Variants in CNTNAP5 observed in about 807,000 individuals in gnomAD.
The protein encoded by CNTNAP5 is contactin associated protein family member 5.
In CNTNAP5, 72 loss-of-function variants were observed where a neutral mutation model predicts 150.2. That is an observed-to-expected ratio of 0.48 (90% confidence interval 0.40 to 0.58). CNTNAP5 has a LOEUF of 0.58. Ranked by LOEUF, CNTNAP5 falls within the 20% of genes least tolerant of loss-of-function variation. The pLI is 0.00. For synonymous variants in CNTNAP5, 672 were observed against 619.8 expected, an observed-to-expected ratio of 1.08 and a Z score of -1.25; for missense variants, 1,636 against 1,626.2, an observed-to-expected ratio of 1.01 and a Z score of -0.10.
intron 1 of CNTNAP5, among the ~76,000 whole-genome samples, chr2:124,176,231 A>C (rs1033954173): frequency 6.6e-6 from 1 of 152,258 alleles, no homozygotes; most frequent in Non-Finnish European, 1.5e-5. Flanking sequence ...GCAAATGACC[A>C]TTAAGTAAGA....
intron 19 of CNTNAP5, among the ~76,000 whole-genome samples, chr2:124,846,991 G>A (rs887881271): frequency 6.6e-6 from 1 of 152,208 alleles, no homozygotes; most frequent in African/African-American, 2.4e-5. Flanking sequence ...GAATGAAGTG[G>A]ACTCTGTGAG....
chr2:124,619,446 C>T (rs930348468), intron 12 of CNTNAP5, among the ~76,000 whole-genome samples: 4 of 152,088 alleles, frequency 2.6e-5, no homozygotes, highest in African/African-American at 4.8e-5. Flanking sequence ...ACAGAAGAAT[C>T]GGCTTCTGAG....
At chr2:124,905,187 A>G (rs1678510345) in intron 22 of CNTNAP5, among the ~76,000 whole-genome samples, 1 of 150,464 alleles carries the variant, frequency 6.6e-6, no homozygotes, top group Admixed American at 6.6e-5. Context: ...AAGGTGCTTA[A>G]CATCACTGAT....
At chr2:124,330,643 C>T (rs956419583) in intron 3 of CNTNAP5, among the ~76,000 whole-genome samples, 1 of 152,112 alleles carries the variant, frequency 6.6e-6, no homozygotes. Flanking sequence ...CCTGAGGCCT[C>T]CTGAGTAATG....
chr2:124,034,452 A>C (rs1238099793), intron 1 of CNTNAP5, among the ~76,000 whole-genome samples: 1 of 152,178 alleles, frequency 6.6e-6, no homozygotes, highest in African/African-American at 2.4e-5. Flanking sequence ...TTCTCATTTT[A>C]TCTCCCATGT....
At chr2:124,621,478 C>T (rs533816125) in intron 12 of CNTNAP5, among the ~76,000 whole-genome samples, 1 of 152,302 alleles carries the variant, frequency 6.6e-6, no homozygotes, top group East Asian at 1.9e-4. Flanking sequence ...CTGTTTCTCA[C>T]TCCTTTGGCA....
At chr2:124,515,100 C>T (rs1694678971) in intron 8 of CNTNAP5, among the ~76,000 whole-genome samples, 1 of 152,198 alleles carries the variant, frequency 6.6e-6, no homozygotes, top group South Asian at 2.1e-4. Context: ...TTTCAGGATC[C>T]AGGTTACCTT....
chr2:124,454,353 C>G (rs114177568), intron 6 of CNTNAP5, among the ~76,000 whole-genome samples: 3,880 of 152,250 alleles, frequency 0.025, 74 homozygotes, highest in Non-Finnish European at 0.037. Context: ...GAAATTATCA[C>G]AGTCATAAAT....
At chr2:124,531,981 G>C (rs1695121049) in intron 10 of CNTNAP5, among the ~76,000 whole-genome samples, 2 of 152,164 alleles carry the variant, frequency 1.3e-5, no homozygotes, top group Non-Finnish European at 2.9e-5. Context: ...GGAGTGAACT[G>C]ATATAAAGTT....
chr2:124,373,454 A>C (rs12373652), intron 3 of CNTNAP5, among the ~76,000 whole-genome samples: 34,897 of 152,062 alleles, frequency 0.23, 4,220 homozygotes, highest in Middle Eastern at 0.27. Context: ...CAGCAATGAC[A>C]AAGACAAATG....
At position 124,790,011 on chromosome 2, in the gene CNTNAP5, G is replaced by A. The variant is rs1308693597; in HGVS notation, c.2862G>A (p.Arg954=). ...GGGCAAAGGTCACATCTGGAGTCAG[G>A]CCAGGCTGCCCCGGCCACTGCAGCA... is the stretch of plus-strand genomic sequence containing the variant. ...EERAKVTSGV[R]PGCPGHCSSY... is the part of the protein sequence containing the mutation. The change falls in exon 18 of 24, where the codon AGG becomes AGA. Residue 954 remains arginine (R), a synonymous_variant. Coordinates refer to ENST00000682447, the MANE Select transcript of CNTNAP5 (RefSeq NM_001367498.1). 3.1e-6 allele frequency: 5 copies of A among 1,613,930 alleles called. No homozygotes were observed. Among genetic ancestry groups the A allele is most frequent in the Non-Finnish European group, 2.5e-6 (3 of 1,179,850 alleles).
intron 13 of CNTNAP5, among the ~76,000 whole-genome samples, chr2:124,714,349 A>C (rs1217886945): frequency 6.6e-6 from 1 of 152,168 alleles, no homozygotes; most frequent in Non-Finnish European, 1.5e-5. Flanking sequence ...TAGTTCAGAA[A>C]ATGTTATAAT....
At chr2:124,696,996 A>G (rs1263582941) in intron 13 of CNTNAP5, among the ~76,000 whole-genome samples, 2 of 152,194 alleles carry the variant, frequency 1.3e-5, no homozygotes, top group Non-Finnish European at 2.9e-5. Context: ...ATGAGAATAC[A>G]GTGTCTCAGG....
intron 7 of CNTNAP5, among the ~76,000 whole-genome samples, chr2:124,498,642 T>C (rs1694205725): frequency 6.6e-6 from 1 of 152,196 alleles, no homozygotes; most frequent in Admixed American, 6.5e-5. Context: ...CATCTTTTGC[T>C]CACTTACTTT....
chr2:124,395,072 T>A (rs535423397), intron 3 of CNTNAP5, among the ~76,000 whole-genome samples: 52 of 152,262 alleles, frequency 3.4e-4, no homozygotes, highest in Admixed American at 1.2e-3. Flanking sequence ...ACATGCCCAT[T>A]GATAAAGCAA....
chr2:124,876,615 T>A (rs749519592), intron 21 of CNTNAP5, among the ~76,000 whole-genome samples: 13 of 151,988 alleles, frequency 8.6e-5, no homozygotes, highest in Non-Finnish European at 1.5e-4. Context: ...ATGCATGTAA[T>A]CTTCTTTAGA....
chr2:124,210,714 G>T (rs911703396), intron 1 of CNTNAP5, among the ~76,000 whole-genome samples: 1 of 152,116 alleles, frequency 6.6e-6, no homozygotes, highest in Non-Finnish European at 1.5e-5. Flanking sequence ...GCCCAAAACA[G>T]TATTTCCTTG....
intron 6 of CNTNAP5, among the ~76,000 whole-genome samples, chr2:124,468,479 C>T (rs1573394145): frequency 6.6e-6 from 1 of 152,152 alleles, no homozygotes; most frequent in South Asian, 2.1e-4. Flanking sequence ...CTTCTTCTGT[C>T]TGGTTTTTCT....
intron 13 of CNTNAP5, among the ~76,000 whole-genome samples, chr2:124,707,199 A>AAGG (rs1679707487): frequency 1.4e-5 from 2 of 140,950 alleles, no homozygotes; most frequent in African/African-American, 5.2e-5. Context: ...GAAGAAGAAG[A>AAGG]AGAAGAATAA....
Sources: gnomAD v4.1 joint callset for allele counts (sites outside exome capture counted in the v4.1 genomes callset) on GRCh38, gnomAD v4.1.1 for gene constraint, MANE v1.5 for transcripts, NCBI Gene and HGNC (gene_info 2026-07-23, HGNC 2026-07-21) for gene names.